Variants in CACNA1D observed in about 807,000 individuals in gnomAD.
CACNA1D encodes calcium voltage-gated channel subunit alpha1 D.
In CACNA1D, 55 loss-of-function variants were observed where a neutral mutation model predicts 257.1. The ratio of observed to expected loss-of-function variants is 0.21; its 90% CI spans 0.17 to 0.27. The LOEUF (loss-of-function observed/expected upper bound fraction) is 0.27, where lower values mean the gene tolerates loss of function less well. Ranked by LOEUF, CACNA1D falls within the 10% of genes least tolerant of loss-of-function variation. CACNA1D has a pLI of 1.00. For missense variants in CACNA1D, 1,876 were observed against 2,784.0 expected, an observed-to-expected ratio of 0.67 and a Z score of 7.34; for synonymous variants, 980 against 1,014.9, an observed-to-expected ratio of 0.97 and a Z score of 0.65.
intron 22 of CACNA1D, among the ~76,000 whole-genome samples, chr3:53,744,443 G>A (rs1463487234): frequency 6.6e-6 from 1 of 152,232 alleles, no homozygotes; most frequent in Non-Finnish European, 1.5e-5. Flanking sequence ...CTACTACCTA[G>A]TATTTACAGT....
chr3:53,672,758 C>CTGTGTGTGTGTGTGTGTG (rs57956658), intron 7 of CACNA1D, among the ~76,000 whole-genome samples: 3 of 95,088 alleles, frequency 3.2e-5, no homozygotes, highest in Admixed American at 1.1e-4. Flanking sequence ...CTTGATGACT[C>CTGTGTGTGTGTGTGTGTG]TGTGTGTGTG....
intron 3 of CACNA1D, among the ~76,000 whole-genome samples, chr3:53,518,052 C>A (rs2091413196): frequency 6.6e-6 from 1 of 152,188 alleles, no homozygotes; most frequent in Non-Finnish European, 1.5e-5. Context: ...TTGGTCACAC[C>A]ACTAGCTGGG....
At chr3:53,703,379 G>A (rs1488594256) in intron 9 of CACNA1D, among the ~76,000 whole-genome samples, 3 of 152,126 alleles carry the variant, frequency 2.0e-5, no homozygotes, top group Admixed American at 6.5e-5. Flanking sequence ...GTCACCCATC[G>A]ACACCCCACA....
intron 40 of CACNA1D, among the ~76,000 whole-genome samples, chr3:53,790,236 C>A (rs2095476804): frequency 6.6e-6 from 1 of 152,198 alleles, no homozygotes. Context: ...AGCCATGCAG[C>A]CATGAAAATT....
At chr3:53,498,725 T>C (rs1185336842) in intron 2 of CACNA1D, among the ~76,000 whole-genome samples, 2 of 152,188 alleles carry the variant, frequency 1.3e-5, no homozygotes, top group African/African-American at 2.4e-5. Flanking sequence ...CCTCTGTCTT[T>C]AGCTGGCTAT....
At chr3:53,747,267 G>A in intron 25 of CACNA1D, 35 bp from the exon 26 acceptor site, 1 of 1,607,106 alleles carries the variant, frequency 6.2e-7, no homozygotes, top group Non-Finnish European at 8.5e-7. Context: ...TGTCATGTGT[G>A]AAGCCAGACG....
At chr3:53,706,935 G>A (rs1344787443) in intron 9 of CACNA1D, among the ~76,000 whole-genome samples, 1 of 151,994 alleles carries the variant, frequency 6.6e-6, no homozygotes, top group Non-Finnish European at 1.5e-5. Context: ...CCAGCCTCAG[G>A]GTGGGGCCTC....
intron 3 of CACNA1D, among the ~76,000 whole-genome samples, chr3:53,624,995 C>T (rs1559934159): frequency 1.3e-5 from 2 of 152,090 alleles, no homozygotes; most frequent in South Asian, 4.1e-4. Context: ...GGGGGAAGAA[C>T]GTGTGTGTGT....
intron 3 of CACNA1D, among the ~76,000 whole-genome samples, chr3:53,586,323 T>C (rs969881129): frequency 6.9e-6 from 1 of 145,760 alleles, no homozygotes; most frequent in African/African-American, 2.5e-5. Flanking sequence ...TGTGTGTGCA[T>C]TCCTCCTTGG....
chr3:53,543,936 T>C (rs1221473520), intron 3 of CACNA1D, among the ~76,000 whole-genome samples: 2 of 152,222 alleles, frequency 1.3e-5, no homozygotes, highest in Non-Finnish European at 2.9e-5. Context: ...GAATCATCCA[T>C]ATTTCTACAC....
intron 3 of CACNA1D, among the ~76,000 whole-genome samples, chr3:53,539,343 C>T (rs1382297148): frequency 6.6e-6 from 1 of 152,100 alleles, no homozygotes; most frequent in African/African-American, 2.4e-5. Context: ...CTCCTGACCT[C>T]GTGATCTGCC....
chr3:53,606,278 CA>C (rs2107918869), intron 3 of CACNA1D, among the ~76,000 whole-genome samples: 1 of 152,324 alleles, frequency 6.6e-6, no homozygotes, highest in African/African-American at 2.4e-5. Flanking sequence ...ACCCTTGAGC[CA>C]AAGTACAGAA....
intron 3 of CACNA1D, among the ~76,000 whole-genome samples, chr3:53,622,172 T>C (rs2093704063): frequency 6.6e-6 from 1 of 152,134 alleles, no homozygotes; most frequent in African/African-American, 2.4e-5. Context: ...TGCCTCAGCC[T>C]CAGCAGTAGC....
intron 3 of CACNA1D, among the ~76,000 whole-genome samples, chr3:53,615,058 A>C (rs931263156): frequency 6.6e-6 from 1 of 152,254 alleles, no homozygotes; most frequent in South Asian, 2.1e-4. Context: ...AGGCAAATAG[A>C]AAATATGCAA....
Position 53,495,220 on chromosome 3 carries a change from G to C in CACNA1D, c.54G>C (p.Ala18=). ...KKMQHQRQQQ[A]DHANEANYAR... is the part of the protein sequence containing the mutation. Reference sequence around the variant, plus strand: ...TGCAGCATCAACGGCAGCAGCAAGCGGACCACGCGAACGGTGAGCAGCCAG... The same window carrying C: ...TGCAGCATCAACGGCAGCAGCAAGCCGACCACGCGAACGGTGAGCAGCCAG... Residue 18 remains alanine, a synonymous_variant, in exon 1 of 48, where the codon GCG becomes GCC. Coordinates refer to ENST00000350061, the MANE Select transcript of CACNA1D (RefSeq NM_001128840.3). This position sits in a 1 kb window ranked among gnomAD's most constrained non-coding sequence, Gnocchi z 5.1. 6.2e-7 allele frequency: 1 copy of C among 1,613,750 alleles called. No homozygotes were observed. The highest frequency in any genetic ancestry group is 8.5e-7 in the Non-Finnish European group (1 of 1,180,004).
At chr3:53,585,899 C>T (rs2093206994) in intron 3 of CACNA1D, among the ~76,000 whole-genome samples, 1 of 152,064 alleles carries the variant, frequency 6.6e-6, no homozygotes, top group Admixed American at 6.6e-5. Flanking sequence ...AGGGGGAAGG[C>T]CTGGGAGAGA....
At chr3:53,728,973 C>G (rs2108752059) in intron 15 of CACNA1D, among the ~76,000 whole-genome samples, 1 of 152,314 alleles carries the variant, frequency 6.6e-6, no homozygotes, top group African/African-American at 2.4e-5. Context: ...TGGCTCATCA[C>G]TCTGGATTTG....
chr3:53,541,844 G>A (rs2092305743), intron 3 of CACNA1D, among the ~76,000 whole-genome samples: 1 of 152,050 alleles, frequency 6.6e-6, no homozygotes, highest in Non-Finnish European at 1.5e-5. Context: ...TACCATAAGT[G>A]GGTATTACTC....
intron 3 of CACNA1D, among the ~76,000 whole-genome samples, chr3:53,590,708 C>T (rs1004743133): frequency 6.6e-6 from 1 of 152,210 alleles, no homozygotes; most frequent in African/African-American, 2.4e-5. Flanking sequence ...CCACTTATAA[C>T]TAGGTGAGCC....
Sources: allele counts gnomAD v4.1 joint callset (sites outside exome capture counted in the v4.1 genomes callset), GRCh38; gene constraint gnomAD v4.1.1; non-coding constraint Gnocchi (gnomAD v3.1); transcripts MANE v1.5; gene names NCBI Gene and HGNC (gene_info 2026-07-23, HGNC 2026-07-21).